Variants in ENAM observed in about 807,000 individuals in gnomAD.
ENAM encodes amelogenesis imperfecta 2, hypocalcification (autosomal dominant).
ENAM carries 21 observed loss-of-function variants against 33.6 expected under a neutral mutation model. The observed-to-expected ratio is 0.63, with a 90% CI of 0.44 to 0.90. The LOEUF is 0.90. Ranked by LOEUF, ENAM falls within the 40% of genes least tolerant of loss-of-function variation. The probability of loss-of-function intolerance (pLI) is 0.00; values close to 1 mark genes in which losing one functional copy is unlikely to be tolerated. For synonymous variants in ENAM, 473 were observed against 468.4 expected (o/e 1.01, Z -0.13); for missense variants, 1,388 against 1,366.9 (o/e 1.02, Z -0.24).
Position 70,631,734 on chromosome 4 carries a change from T to C in ENAM, c.119T>C (p.Met40Thr), listed in dbSNP as rs370336161. Residue 40 changes from methionine to threonine, a missense_variant, in exon 3 of 9, where the codon ATG (methionine) becomes ACG (threonine). Met to Thr is a moderately conservative substitution (Grantham distance 81). Coordinates refer to ENST00000396073, the MANE Select transcript of ENAM (RefSeq NM_031889.3). ...FLGLLGNSVA[M>T]PMHMPRMPGF... The stretch of plus-strand genomic sequence containing the variant: ...GGGCTTCTTGGTAATTCTGTTGCTA[T>C]GCCAGTGAGTATTTTTTAAATGTTA... The C allele has an allele frequency of 6.2e-7, 1 of 1,613,190 alleles. No homozygotes were observed. The highest frequency in any genetic ancestry group is 8.5e-7 in the Non-Finnish European group (1 of 1,179,228).
intron 7 of ENAM, 200 bp from the exon 8 acceptor site, chr4:70,637,590 G>T: frequency 1.7e-6 from 1 of 604,328 alleles, no homozygotes; most frequent in Non-Finnish European, 3.0e-6. Context: ...TGAAGCCTTT[G>T]TATTTACCAG....
In ENAM at chr4:70,644,134, A is replaced by G; in HGVS notation, c.2708A>G (p.Asn903Ser). ...TCCTATGGTCTTGCACCTGGGGAGA[A>G]CCAAGACACCAGTCCTCTGTATACA... ...TPSYGLAPGENQDTSPLYTDG... is the reference protein window; with the variant it reads ...TPSYGLAPGESQDTSPLYTDG... The change falls in exon 9 of 9, where the codon AAC becomes AGC. Residue 903 changes from asparagine (N) to serine (S), a missense_variant. Asn to Ser is a conservative substitution (Grantham distance 46). Coordinates refer to ENST00000396073, the MANE Select transcript of ENAM (RefSeq NM_031889.3). 2 of 1,614,134 alleles carry G rather than the reference A, an allele frequency of 1.2e-6. No individual in the cohort carries two copies. Among genetic ancestry groups the G allele is most frequent in the Non-Finnish European group, 1.7e-6 (2 of 1,180,010 alleles).
rs750991974 is a variant in ENAM, at chr4:70,642,962, A to C, written c.1536A>C (p.Gln512His). 1.2e-6 allele frequency: 2 copies of C among 1,614,124 alleles called. No homozygotes were observed. Among genetic ancestry groups the C allele is most frequent in the Non-Finnish European group, 1.7e-6 (2 of 1,179,996 alleles). ...RKVPNSDGQT[Q>H]SQNLPKGIVL... ...TCCCAAATTCTGATGGACAAACCCA[A>C]AGCCAGAATTTGCCCAAAGGGATTG... The change falls in exon 9 of 9, where the codon CAA (glutamine) becomes CAC (histidine). Residue 512 changes from glutamine to histidine, a missense_variant. By Grantham distance (24) the Gln-to-His change is conservative. Coordinates refer to ENST00000396073, the MANE Select transcript of ENAM (RefSeq NM_031889.3).
chr4:70,631,751 T>C lies in ENAM; in HGVS notation c.123+13T>C. ...TGTTGCTATGCCAGTGAGTATTTTT[T>C]AAATGTTAGCTCTTCTCTTTGTGTT... On this transcript the variant is annotated intron_variant, in intron 3 of 8. Coordinates refer to ENST00000396073, the MANE Select transcript of ENAM (RefSeq NM_031889.3). 2 of 1,611,690 alleles carry C rather than the reference T, an allele frequency of 1.2e-6. No individual in the cohort carries two copies. Among genetic ancestry groups the C allele is most frequent in the Non-Finnish European group, 1.7e-6 (2 of 1,177,746 alleles).
Position 70,642,433 on chromosome 4 carries a change from T to C in ENAM, c.1007T>C (p.Phe336Ser), listed in dbSNP as rs766076645. The change falls in exon 9 of 9, where the codon TTC becomes TCC. Residue 336 changes from phenylalanine to serine, a missense_variant. Physicochemically the swap from Phe to Ser is radical, Grantham distance 155. Coordinates refer to ENST00000396073, the MANE Select transcript of ENAM (RefSeq NM_031889.3). The part of the protein sequence containing the change: ...RNFPSGRQWY[F>S]TGTVMGHRQN... ...TTTCCTTCAGGAAGACAGTGGTATT[T>C]CACTGGTACTGTCATGGGGCACAGA... The C allele has an allele frequency of 6.2e-7, 1 of 1,614,148 alleles. No homozygotes were observed. Among genetic ancestry groups the C allele is most frequent in the South Asian group, 1.1e-5 (1 of 91,078 alleles).
Position 70,643,204 on chromosome 4 carries a change from G to A in ENAM, c.1778G>A (p.Gly593Asp). 1 of 1,613,392 alleles carries A rather than the reference G, an allele frequency of 6.2e-7. No homozygotes were observed. The change falls in exon 9 of 9, where the codon GGT (glycine) becomes GAT (aspartate). Residue 593 changes from glycine (G) to aspartate (D), a missense_variant. Transcript: ENST00000396073. ...GAACATTTACCCCATCCTTCCCATG[G>A]TTCTAGAGGAAGTGTTTTCTACCCT... ...QEEHLPHPSH[G>D]SRGSVFYPEY...
chr4:70,630,532 C>A (rs1738284641), intron 2 of ENAM, among the ~76,000 whole-genome samples: 1 of 152,058 alleles, frequency 6.6e-6, no homozygotes, highest in African/African-American at 2.4e-5. Flanking sequence ...TCAGAATAAA[C>A]CTTGTTCCAA....
rs753864398 is a variant in ENAM at position 70,631,655 on chromosome 4, A to G, written c.55-15A>G. The G allele has an allele frequency of 6.3e-7, 1 of 1,589,534 alleles. No individual in the cohort carries two copies. Among genetic ancestry groups the G allele is most frequent in the South Asian group, 1.1e-5 (1 of 90,532 alleles). On this transcript the variant is annotated splice_polypyrimidine_tract_variant and intron_variant, in intron 2 of 8. Coordinates refer to ENST00000396073, the MANE Select transcript of ENAM (RefSeq NM_031889.3). ...ATTTCACAGACCAAAAATAAAAATC[A>G]ATTTTTTATTCTAGGTACCAAAAGG...
At position 70,637,868 on chromosome 4, in the gene ENAM, T is replaced by C. The variant is rs553858705; in HGVS notation, c.588+25T>C. 73 of 1,567,490 alleles carry C rather than the reference T, an allele frequency of 4.7e-5. 2 individuals are homozygous for C. The South Asian group carries it at 7.8e-4, about 17-fold the overall frequency. On this transcript the variant is annotated intron_variant, in intron 8 of 8. Transcript: ENST00000396073. ...GGTAAGTACAAGTAAAACTACATTC[T>C]CCACTAGAAATTACAATCCATTCGC...
In ENAM at chr4:70,643,867, C is replaced by A. The variant is rs374558106; in HGVS notation, c.2441C>A (p.Pro814Gln). 4 of 1,614,058 alleles carry A rather than the reference C, an allele frequency of 2.5e-6. No individual in the cohort carries two copies. Among genetic ancestry groups the A allele is most frequent in the Non-Finnish European group, 2.5e-6 (3 of 1,180,040 alleles). The change falls in exon 9 of 9, where the codon CCA becomes CAA. Residue 814 changes from proline to glutamine, a missense_variant. Pro to Gln is a moderately conservative substitution (Grantham distance 76). Transcript: ENST00000396073. ...AACCAGCCCTATTACAGTAACACCC[C>A]AGCTGGGCTTCAGAAAAATCCAATA... ...KGNQPYYSNT[P>Q]AGLQKNPIWH... is the part of the protein sequence containing the mutation.
intron 2 of ENAM, 88 bp from the exon 3 acceptor site, chr4:70,631,582 A>C (rs1345413184): frequency 5.1e-6 from 5 of 978,482 alleles, no homozygotes. Context: ...TCCTTGACAG[A>C]CAAGTAGGCT....
chr4:70,634,510 C>T lies in ENAM; in HGVS notation c.413C>T (p.Pro138Leu). The T allele has an allele frequency of 1.2e-6, 2 of 1,614,118 alleles. No individual in the cohort carries two copies. The highest frequency in any genetic ancestry group is 1.7e-6 in the Non-Finnish European group (2 of 1,179,998). The change falls in exon 6 of 9, where the codon CCT (proline) becomes CTT (leucine). Residue 138 changes from proline (P) to leucine (L), a missense_variant. By Grantham distance (98) the Pro-to-Leu change is moderately conservative. Coordinates refer to ENST00000396073, the MANE Select transcript of ENAM (RefSeq NM_031889.3). ...TCAAAAAAGCCACCACAAAAGCGGC[C>T]TTTGAAGCAGCCATCACATAATCAA... ...TQSKKPPQKR[P>L]LKQPSHNQPQ...
At position 70,634,487 on chromosome 4, in the gene ENAM, A is replaced by C; in HGVS notation, c.390A>C (p.Ser130=). 6.2e-7 allele frequency: 1 copy of C among 1,614,114 alleles called. No individual in the cohort carries two copies. The highest frequency in any genetic ancestry group is 8.5e-7 in the Non-Finnish European group (1 of 1,179,988). The change falls in exon 6 of 9, where the codon TCA becomes TCC. Residue 130 remains serine (S), a synonymous_variant. Transcript: ENST00000396073. ...CCCAGAAACCCAACCAGACTCAGTC[A>C]AAAAAGCCACCACAAAAGCGGCCTT... is the stretch of plus-strand genomic sequence containing the variant. ...QETQKPNQTQ[S]KKPPQKRPLK...
At chr4:70,631,812 T>C (rs951703436) in intron 3 of ENAM, 37 bp from the exon 4 acceptor site, 1 of 1,612,522 alleles carries the variant, frequency 6.2e-7, no homozygotes, top group Non-Finnish European at 8.5e-7. Context: ...TTTCAACTGA[T>C]GTTCTGCATT....
chr4:70,629,874 G>A (rs1419567822), intron 2 of ENAM, among the ~76,000 whole-genome samples: 2 of 152,074 alleles, frequency 1.3e-5, no homozygotes, highest in Non-Finnish European at 2.9e-5. Context: ...CAAATATAAA[G>A]GCTACATATA....
At chr4:70,630,871 G>A (rs1738296342) in intron 2 of ENAM, among the ~76,000 whole-genome samples, 2 of 151,630 alleles carry the variant, frequency 1.3e-5, no homozygotes, top group Admixed American at 1.3e-4. Context: ...CCTCCCAAGT[G>A]GCTGGTATTA....
intron 4 of ENAM, 61 bp downstream of exon 4, chr4:70,631,954 A>G: frequency 7.2e-7 from 1 of 1,382,622 alleles, no homozygotes; most frequent in Non-Finnish European, 1.0e-6. Context: ...CATTTACTAA[A>G]AAGGAGAATA....
rs773896528 is a variant in ENAM at position 70,634,507 on chromosome 4, G to A, written c.410G>A (p.Arg137Gln). The A allele has an allele frequency of 3.7e-6, 6 of 1,614,070 alleles. No homozygotes were observed. Among genetic ancestry groups the A allele is most frequent in the East Asian group, 2.2e-5 (1 of 44,876 alleles). The change falls in exon 6 of 9, where the codon CGG becomes CAG. Residue 137 changes from arginine (R) to glutamine (Q), a missense_variant. Coordinates refer to ENST00000396073, the MANE Select transcript of ENAM (RefSeq NM_031889.3). ...CAGTCAAAAAAGCCACCACAAAAGC[G>A]GCCTTTGAAGCAGCCATCACATAAT... Reference protein sequence around the residue: ...QTQSKKPPQKRPLKQPSHNQP... With the variant: ...QTQSKKPPQKQPLKQPSHNQP...
chr4:70,643,675 A>T lies in ENAM; in HGVS notation c.2249A>T (p.Asn750Ile). The change falls in exon 9 of 9, where the codon AAT becomes ATT. Residue 750 changes from asparagine to isoleucine, a missense_variant. Coordinates refer to ENST00000396073, the MANE Select transcript of ENAM (RefSeq NM_031889.3). ...GAGAGCAGGGGCTACTACGTTAATA[A>T]TGCCGCTGGACCAGAAGAAAGCACT... is the stretch of plus-strand genomic sequence containing the variant. ...PIESRGYYVN[N>I]AAGPEESTLF... 6.2e-7 allele frequency: 1 copy of T among 1,614,162 alleles called. No individual in the cohort carries two copies. The highest frequency in any genetic ancestry group is 8.5e-7 in the Non-Finnish European group (1 of 1,180,016).
Sources: allele counts gnomAD v4.1 joint callset (sites outside exome capture counted in the v4.1 genomes callset), GRCh38; gene constraint gnomAD v4.1.1; transcripts MANE v1.5; gene names NCBI Gene and HGNC (gene_info 2026-07-23, HGNC 2026-07-21).